PRKG1: variants seen among roughly 807,000 people sequenced by gnomAD.
PRKG1 encodes the protein protein kinase cGMP-dependent 1, also known as cGMP-dependent protein kinase 1.
A neutral mutation model predicts 88.1 loss-of-function variants in PRKG1; 35 were observed. The ratio of observed to expected loss-of-function variants is 0.40; its 90% CI spans 0.30 to 0.53. The LOEUF (loss-of-function observed/expected upper bound fraction) is 0.53. PRKG1 is among the 20% of genes least tolerant of loss of function. PRKG1 has a pLI of 0.59. For synonymous variants in PRKG1, 303 were observed against 292.5 expected (o/e 1.04, Z -0.37); for missense variants, 540 against 839.8 (o/e 0.64, Z 4.41).
chr10:51,899,781 T>A (rs1231959872), intron 4 of PRKG1, among the ~76,000 whole-genome samples: 1 of 151,410 alleles, frequency 6.6e-6, no homozygotes, highest in Non-Finnish European at 1.5e-5. Context: ...CCCCTCCCAA[T>A]CTCATATTGA....
intron 4 of PRKG1, among the ~76,000 whole-genome samples, chr10:51,864,344 C>G (rs1490207996): frequency 6.6e-6 from 1 of 152,160 alleles, no homozygotes; most frequent in Non-Finnish European, 1.5e-5. Context: ...TCTCTAGAAG[C>G]AGATTTGTAC....
chr10:51,520,802 T>A (rs1288540388), intron 3 of PRKG1, among the ~76,000 whole-genome samples: 1 of 152,254 alleles, frequency 6.6e-6, no homozygotes, highest in Admixed American at 6.5e-5. Context: ...GAATGAATTA[T>A]GTCATACATG....
chr10:52,073,320 C>T (rs533719919), intron 7 of PRKG1, among the ~76,000 whole-genome samples: 20 of 152,182 alleles, frequency 1.3e-4, no homozygotes, highest in Admixed American at 7.2e-4. Flanking sequence ...GCTAGGGCTT[C>T]GACATATCTT....
chr10:51,629,526 G>C (rs2132278048), intron 3 of PRKG1, among the ~76,000 whole-genome samples: 1 of 151,888 alleles, frequency 6.6e-6, no homozygotes, highest in South Asian at 2.1e-4. Flanking sequence ...ATCTCATTTT[G>C]ATTGCTGTCG....
At chr10:51,981,190 T>A (rs2133109303) in intron 5 of PRKG1, among the ~76,000 whole-genome samples, 1 of 152,134 alleles carries the variant, frequency 6.6e-6, no homozygotes, top group Middle Eastern at 3.4e-3. Flanking sequence ...GGTGATAAAT[T>A]CCCTCAGCAT....
chr10:51,592,729 G>A (rs1838343573), intron 3 of PRKG1, among the ~76,000 whole-genome samples: 2 of 152,154 alleles, frequency 1.3e-5, no homozygotes, highest in South Asian at 4.1e-4. Context: ...TGGGGGCTCA[G>A]TACCATTGTT....
intron 3 of PRKG1, among the ~76,000 whole-genome samples, chr10:51,635,745 A>G (rs1250963410): frequency 1.3e-5 from 2 of 152,292 alleles, no homozygotes; most frequent in African/African-American, 2.4e-5. Context: ...CATCAACTCA[A>G]CAGTAACTGT....
chr10:52,271,833 C>A (rs946389059), intron 11 of PRKG1, among the ~76,000 whole-genome samples: 1 of 151,984 alleles, frequency 6.6e-6, no homozygotes, highest in Admixed American at 6.6e-5. Context: ...CTTTAATTAT[C>A]TGAATATTTT....
intron 1 of PRKG1, among the ~76,000 whole-genome samples, chr10:51,010,511 CAT>C (rs540522442): frequency 1.3e-5 from 2 of 151,780 alleles, no homozygotes; most frequent in Admixed American, 6.6e-5. Flanking sequence ...TGTATCTATG[CAT>C]ATATATATAT....
At chr10:51,302,546 CA>C (rs1840918839) in intron 2 of PRKG1, 1 of 104,846 alleles carries the variant, frequency 9.5e-6, no homozygotes, top group African/African-American at 3.8e-5. Context: ...TCATTGGTAG[CA>C]AAACATCACT....
At chr10:51,594,892 G>A (rs765781183) in intron 3 of PRKG1, among the ~76,000 whole-genome samples, 1 of 152,012 alleles carries the variant, frequency 6.6e-6, no homozygotes, top group Non-Finnish European at 1.5e-5. Flanking sequence ...CAACCAAAAA[G>A]GCATAGGCTG....
At chr10:52,141,964 T>C (rs751479402) in intron 8 of PRKG1, among the ~76,000 whole-genome samples, 1 of 152,180 alleles carries the variant, frequency 6.6e-6, no homozygotes, top group Non-Finnish European at 1.5e-5. Flanking sequence ...CTTTTATAAA[T>C]AAACTTATTT....
At chr10:52,178,620 G>T (rs1198118810) in intron 9 of PRKG1, among the ~76,000 whole-genome samples, 27 of 151,894 alleles carry the variant, frequency 1.8e-4, no homozygotes, top group Admixed American at 1.8e-3. Context: ...TCCAGTTACT[G>T]GGATTTATCT....
chr10:51,108,604 A>G (rs1215862091), intron 1 of PRKG1, among the ~76,000 whole-genome samples: 4 of 152,174 alleles, frequency 2.6e-5, no homozygotes, highest in African/African-American at 7.2e-5. Flanking sequence ...AGCTCTCCAC[A>G]GGAATAGAAG....
At position 51,160,398 on chromosome 10, in the gene PRKG1, C is replaced by T. The variant is rs146382273; in HGVS notation, c.478+7068C>T. Among the ~76,000 whole-genome samples the T allele has an allele frequency of 9.9e-3, 1,512 of 152,222 alleles. 11 individuals are homozygous for T. Among genetic ancestry groups the T allele is most frequent in the Middle Eastern group, 0.024 (7 of 294 alleles). ...ATTGTGCTTGTTTAAACAGTGTTAA[C>T]GGTGAATCCTTATAAACATGTTCAG... is the stretch of plus-strand genomic sequence containing the variant. On this transcript the variant is annotated intron_variant, in intron 2 of 17. Coordinates refer to ENST00000373980, the MANE Select transcript of PRKG1 (RefSeq NM_006258.4).
At chr10:52,127,492 T>C (rs1847957057) in intron 7 of PRKG1, among the ~76,000 whole-genome samples, 1 of 152,096 alleles carries the variant, frequency 6.6e-6, no homozygotes, top group Admixed American at 6.5e-5. Context: ...AAACAGAATT[T>C]TGGGAAAACA....
rs115098726 is a variant in PRKG1 at position 51,151,279 on chromosome 10, C to T, written c.312-1885C>T. Among the ~76,000 whole-genome samples, 1,302 of 151,976 alleles carry T rather than the reference C, an allele frequency of 8.6e-3. 25 individuals carry two copies. Among genetic ancestry groups the T allele is most frequent in the African/African-American group, 0.03 (1,247 of 41,472 alleles). On this transcript the variant is annotated intron_variant, in intron 1 of 17. Transcript: ENST00000373980. ...ATCTCAGGAGTCAATATGAAGGTGCCACTGCTATTCTTGAGACCAGGAGTG... is the reference window on the plus strand; with the variant it reads ...ATCTCAGGAGTCAATATGAAGGTGCTACTGCTATTCTTGAGACCAGGAGTG...
intron 2 of PRKG1, among the ~76,000 whole-genome samples, chr10:51,265,849 C>G (rs1839823850): frequency 6.6e-6 from 1 of 152,122 alleles, no homozygotes; most frequent in African/African-American, 2.4e-5. Flanking sequence ...GAGGAAAGGG[C>G]ACATCCAGGT....
intron 4 of PRKG1, among the ~76,000 whole-genome samples, chr10:51,870,198 T>C (rs7917131): frequency 0.23 from 35,395 of 152,088 alleles, 4,509 homozygotes; most frequent in Non-Finnish European, 0.28. Flanking sequence ...TAGCAATGTT[T>C]ACATTGTGCA....
Sources: allele counts gnomAD v4.1 joint callset (sites outside exome capture counted in the v4.1 genomes callset), GRCh38; gene constraint gnomAD v4.1.1; transcripts MANE v1.5; gene names NCBI Gene and HGNC (gene_info 2026-07-23, HGNC 2026-07-21).